MRAP2: variants seen among roughly 807,000 people sequenced by gnomAD.
The protein encoded by MRAP2 is melanocortin-2 receptor accessory protein 2.
MRAP2 carries 20 observed loss-of-function variants against 17.4 expected under a neutral mutation model. The ratio of observed to expected loss-of-function variants is 1.15; its 90% CI spans 0.81 to 1.67. MRAP2 has a LOEUF of 1.67. MRAP2 is among the 40% of genes most tolerant of loss of function. MRAP2 has a pLI of 0.00. For missense variants in MRAP2, 238 were observed against 240.0 expected, an observed-to-expected ratio of 0.99 and a Z score of 0.05; for synonymous variants, 96 against 88.4, an observed-to-expected ratio of 1.09 and a Z score of -0.48.
chr6:84,095,090 T>A (rs1324125305), downstream of MRAP2, among the ~76,000 whole-genome samples: 1 of 152,192 alleles, frequency 6.6e-6, no homozygotes, highest in Non-Finnish European at 1.5e-5. Context: ...GGTCTCACAG[T>A]GTGGAGAAGC....
At chr6:84,036,884 AC>A (rs1264746670) in intron 1 of MRAP2, among the ~76,000 whole-genome samples, 1 of 152,184 alleles carries the variant, frequency 6.6e-6, no homozygotes, top group Non-Finnish European at 1.5e-5. Flanking sequence ...CTCCAGCTAG[AC>A]AAAAAAGTTC....
chr6:84,055,315 G>A lies in MRAP2; in HGVS notation c.-4G>A, dbSNP rs201910358. On this transcript the variant is annotated 5_prime_UTR_variant, in exon 2 of 4. Transcript: ENST00000257776. ...TTGACTTTCTCCATTTGTGCAGGTC[G>A]GAGATGTCCGCCCAGAGGTTAATTT... 1.8e-5 allele frequency: 29 copies of A among 1,611,882 alleles called. No homozygotes were observed. Among genetic ancestry groups the A allele is most frequent in the Admixed American group, 3.4e-5 (2 of 59,316 alleles).
chr6:84,047,574 A>T (rs1313027928), intron 1 of MRAP2, among the ~76,000 whole-genome samples: 1 of 152,044 alleles, frequency 6.6e-6, no homozygotes, highest in African/African-American at 2.4e-5. Context: ...ACCATTTTTG[A>T]ATGTACAGTT....
chr6:84,115,713 C>T, the MRAP2 span, among the ~76,000 whole-genome samples: 2 of 152,214 alleles, frequency 1.3e-5, no homozygotes, highest in African/African-American at 4.8e-5. Context: ...ATGATGTAGG[C>T]ACCGCAGGGA....
chr6:84,042,092 T>G (rs1387322559), intron 1 of MRAP2, among the ~76,000 whole-genome samples: 2 of 152,144 alleles, frequency 1.3e-5, no homozygotes, highest in Non-Finnish European at 2.9e-5. Context: ...GGGGCAGTTA[T>G]CCCCATGCTG....
chr6:84,106,569 T>C, the MRAP2 span, among the ~76,000 whole-genome samples: 1 of 152,152 alleles, frequency 6.6e-6, no homozygotes, highest in Non-Finnish European at 1.5e-5. Context: ...ATGCATATCC[T>C]CCATCCCTGA....
the MRAP2 span, among the ~76,000 whole-genome samples, chr6:84,134,512 G>T: frequency 6.6e-6 from 1 of 152,178 alleles, no homozygotes; most frequent in African/African-American, 2.4e-5. Flanking sequence ...TGTGCATTGC[G>T]AAGACCTTGG....
At chr6:84,134,919 T>TATACACACACACAC in the MRAP2 span, among the ~76,000 whole-genome samples, 2 of 148,256 alleles carry the variant, frequency 1.3e-5, no homozygotes, top group African/African-American at 5.0e-5. Context: ...AGATCATATA[T>TATACACACACACAC]ACACACACAC....
At chr6:84,063,242 A>C (rs2497119) in intron 3 of MRAP2, 51,473 of 985,286 alleles carry the variant, frequency 0.052, 1,566 homozygotes, top group African/African-American at 0.13. Context: ...TACAGTCTTA[A>C]TGATGATGTG....
At chr6:84,086,614 C>A (rs1465732518) in intron 3 of MRAP2, among the ~76,000 whole-genome samples, 3 of 152,090 alleles carry the variant, frequency 2.0e-5, no homozygotes, top group Non-Finnish European at 4.4e-5. Context: ...CAAAGATGAA[C>A]TTTTTGCTCT....
the MRAP2 span, among the ~76,000 whole-genome samples, chr6:84,107,278 T>C: frequency 3.9e-4 from 60 of 152,276 alleles, no homozygotes; most frequent in Non-Finnish European, 4.9e-4. Context: ...CTAGGTCCAC[T>C]AGGCATTGTG....
At chr6:84,037,079 A>G (rs1053684246) in intron 1 of MRAP2, among the ~76,000 whole-genome samples, 1 of 152,110 alleles carries the variant, frequency 6.6e-6, no homozygotes, top group Non-Finnish European at 1.5e-5. Context: ...ACAATCCTCC[A>G]GCTAGACATA....
intron 2 of MRAP2, chr6:84,062,564 T>A: frequency 1.0e-6 from 1 of 985,422 alleles, no homozygotes; most frequent in Non-Finnish European, 1.2e-6. Flanking sequence ...TGCTAAAAAT[T>A]TTATTTTCTA....
intron 1 of MRAP2, among the ~76,000 whole-genome samples, chr6:84,052,450 G>A (rs1588630288): frequency 6.6e-6 from 1 of 152,312 alleles, no homozygotes; most frequent in East Asian, 1.9e-4. Flanking sequence ...TCATTGCTGG[G>A]CTTGGTAATG....
the MRAP2 span, chr6:84,124,670 C>A: frequency 4.2e-6 from 1 of 238,924 alleles, no homozygotes; most frequent in South Asian, 5.3e-5. Context: ...AAGCCCAATT[C>A]CCACCATTAT....
chr6:84,113,543 G>A, the MRAP2 span, among the ~76,000 whole-genome samples: 6 of 152,112 alleles, frequency 3.9e-5, no homozygotes, highest in African/African-American at 1.4e-4. Context: ...TATCCAATTT[G>A]CCAGTCTGTG....
At chr6:84,111,909 T>C in the MRAP2 span, among the ~76,000 whole-genome samples, 2 of 152,246 alleles carry the variant, frequency 1.3e-5, no homozygotes, top group African/African-American at 4.8e-5. Context: ...ATTACATTTA[T>C]TGATTTGCAT....
chr6:84,067,640 T>G (rs1340373412), intron 3 of MRAP2, among the ~76,000 whole-genome samples: 1 of 152,218 alleles, frequency 6.6e-6, no homozygotes, highest in African/African-American at 2.4e-5. Flanking sequence ...CTAGTGATGT[T>G]AAGCATTTTT....
At chr6:84,123,596 A>C in the MRAP2 span, among the ~76,000 whole-genome samples, 15 of 152,286 alleles carry the variant, frequency 9.8e-5, no homozygotes, top group East Asian at 2.9e-3. Context: ...TTAAAGACCT[A>C]AATGTAAGAC....
Sources: allele counts gnomAD v4.1 joint callset (sites outside exome capture counted in the v4.1 genomes callset), GRCh38; gene constraint gnomAD v4.1.1; transcripts MANE v1.5; gene names NCBI Gene and HGNC (gene_info 2026-07-23, HGNC 2026-07-21).